RBMS3: variants seen among roughly 807,000 people sequenced by gnomAD.
The protein encoded by RBMS3 is RNA binding motif single stranded interacting protein 3.
Under a neutral mutation model 66.8 loss-of-function variants are expected in RBMS3, and 27 were observed. The observed-to-expected ratio is 0.40, with a 90% CI of 0.30 to 0.56. RBMS3 has a LOEUF of 0.56. Ranked by LOEUF, RBMS3 falls within the 20% of genes least tolerant of loss-of-function variation. The pLI, the probability that RBMS3 is intolerant of heterozygous loss-of-function variation, is 0.40. For missense variants in RBMS3, 513 were observed against 549.5 expected (o/e 0.93, Z 0.66); for synonymous variants, 188 against 183.0 (o/e 1.03, Z -0.22).
intron 1 of RBMS3, among the ~76,000 whole-genome samples, chr3:29,367,281 A>G (rs72851276): frequency 0.023 from 3,505 of 152,242 alleles, 139 homozygotes; most frequent in African/African-American, 0.08. Flanking sequence ...GTTATTTTAC[A>G]TATCTATGTA....
At chr3:29,971,627 T>TATTCATTCACTCACTCATTC (rs1697231915) in intron 12 of RBMS3, among the ~76,000 whole-genome samples, 1 of 152,134 alleles carries the variant, frequency 6.6e-6, no homozygotes, top group Non-Finnish European at 1.5e-5. Context: ...AGTGCTTAAT[T>TATTCATTCACTCACTCATTC]ATTCATTCAC....
chr3:29,341,253 C>G (rs1414829381), intron 1 of RBMS3, among the ~76,000 whole-genome samples: 30 of 151,934 alleles, frequency 2.0e-4, no homozygotes, highest in Non-Finnish European at 5.9e-5. Context: ...TTATGAAATA[C>G]AGAAGAATCA....
chr3:29,931,209 C>T (rs2061112769), intron 10 of RBMS3, among the ~76,000 whole-genome samples: 1 of 152,106 alleles, frequency 6.6e-6, no homozygotes, highest in African/African-American at 2.4e-5. Context: ...GTTTTGAGTA[C>T]TTACTGCATG....
At chr3:29,669,980 T>A (rs1044239924) in intron 4 of RBMS3, among the ~76,000 whole-genome samples, 1 of 152,244 alleles carries the variant, frequency 6.6e-6, no homozygotes, top group Admixed American at 6.5e-5. Context: ...ATAAGGGCTT[T>A]CAACTTAACA....
At position 30,007,624 on chromosome 3, in the gene RBMS3, G is replaced by T. The variant is rs528375179; in HGVS notation, c.*3762G>T. The T allele has an allele frequency of 6.6e-6, 1 of 152,040 alleles. No homozygotes were observed. The highest frequency in any genetic ancestry group is 1.9e-4 in the East Asian group (1 of 5,184). 9.4% of individuals were successfully genotyped at this position (152,040 alleles called of 1,614,324 possible). On this transcript the variant is annotated 3_prime_UTR_variant, in exon 15 of 15. Transcript: ENST00000383767. ...CATGGCCATGTCTTCTAAAGACAAC[G>T]TAATGAGCCCAAGTGAACTGAAGGT... is the stretch of plus-strand genomic sequence containing the variant.
At chr3:29,573,194 C>T (rs550773958) in intron 3 of RBMS3, among the ~76,000 whole-genome samples, 1 of 152,252 alleles carries the variant, frequency 6.6e-6, no homozygotes, top group East Asian at 1.9e-4. Flanking sequence ...AACCTCAGCT[C>T]ACTGCAACCT....
In RBMS3 at chr3:29,469,678, T is replaced by C. The variant is rs147039863; in HGVS notation, c.249-18763T>C. Among the ~76,000 whole-genome samples, 848 of 151,256 alleles carry C rather than the reference T, an allele frequency of 5.6e-3. 7 individuals are homozygous for C. The highest frequency in any genetic ancestry group is 0.02 in the African/African-American group (807 of 41,344). On this transcript the variant is annotated intron_variant, in intron 2 of 14. Transcript: ENST00000383767. ...AAAAACTAAACCATATATATATATA[T>C]ACATACGTATAAGAAAACAATAAGA...
At chr3:29,706,956 C>T (rs778140054) in intron 4 of RBMS3, among the ~76,000 whole-genome samples, 1 of 152,124 alleles carries the variant, frequency 6.6e-6, no homozygotes, top group Non-Finnish European at 1.5e-5. Context: ...TTGACACAAT[C>T]CTGAGGTCTT....
At chr3:29,601,577 T>C (rs9869469) in intron 4 of RBMS3, among the ~76,000 whole-genome samples, 118,608 of 151,922 alleles carry the variant, frequency 0.78, 47,082 homozygotes, top group African/African-American at 0.93. Flanking sequence ...ATTAAAGGAC[T>C]TGTGTTTGCC....
At chr3:29,970,926 T>G (rs1388071457) in intron 12 of RBMS3, among the ~76,000 whole-genome samples, 1 of 152,178 alleles carries the variant, frequency 6.6e-6, no homozygotes, top group East Asian at 1.9e-4. Context: ...TTCACCAAAG[T>G]GGAATTTCAG....
In RBMS3 at chr3:29,587,248, T is replaced by G. The variant is rs768219821; in HGVS notation, c.399+43T>G. On this transcript the variant is annotated intron_variant, in intron 4 of 14. Coordinates refer to ENST00000383767, the MANE Select transcript of RBMS3 (RefSeq NM_001003793.3). ...GGGTGTTTTTTTTTTTTTTTTTTTTTTGTGTGTGTGTGTGTGTGTGTGTGT... is the reference window on the plus strand; with the variant it reads ...GGGTGTTTTTTTTTTTTTTTTTTTTGTGTGTGTGTGTGTGTGTGTGTGTGT... 3,057 of 366,080 alleles carry G rather than the reference T, an allele frequency of 8.4e-3. 171 individuals carry two copies. Among genetic ancestry groups the G allele is most frequent in the African/African-American group, 0.063 (1,850 of 29,412 alleles). The allele number at this position is 366,080 out of a possible 1,614,324, so 22.7% of individuals were successfully genotyped here.
At chr3:29,736,772 C>T (rs2054397136) in intron 4 of RBMS3, among the ~76,000 whole-genome samples, 1 of 152,116 alleles carries the variant, frequency 6.6e-6, no homozygotes, top group African/African-American at 2.4e-5. Flanking sequence ...TGATTCTTCC[C>T]AGTAAAAAGA....
rs185871087 is a variant in RBMS3, at chr3:29,887,559, C to T, written c.791+3351C>T. 1.7e-3 allele frequency among the ~76,000 whole-genome samples: 257 copies of T among 151,856 alleles called. 4 individuals carry two copies. Among genetic ancestry groups the T allele is most frequent in the Non-Finnish European group, 2.1e-3 (143 of 67,818 alleles). On this transcript the variant is annotated intron_variant, in intron 8 of 14. Coordinates refer to ENST00000383767, the MANE Select transcript of RBMS3 (RefSeq NM_001003793.3). ...GTACATTTCCTGAGGCCTCCCCAAC[C>T]GTGCTGAACTGTGAGTCAATTAAAC... is the stretch of plus-strand genomic sequence containing the variant.
chr3:29,836,307 G>C (rs544200863), intron 6 of RBMS3, among the ~76,000 whole-genome samples: 1 of 152,138 alleles, frequency 6.6e-6, no homozygotes, highest in South Asian at 2.1e-4. Context: ...AGGACACCAT[G>C]AGAACAGAAA....
chr3:29,365,126 G>C (rs969658714), intron 1 of RBMS3, among the ~76,000 whole-genome samples: 1 of 152,056 alleles, frequency 6.6e-6, no homozygotes, highest in African/African-American at 2.4e-5. Context: ...TTATTCAATA[G>C]TACCTATTTA....
At chr3:29,425,223 A>C (rs1295733605) in intron 1 of RBMS3, among the ~76,000 whole-genome samples, 1 of 151,296 alleles carries the variant, frequency 6.6e-6, no homozygotes, top group Non-Finnish European at 1.5e-5. Context: ...AAACAAAAAA[A>C]AAAAAACAGG....
intron 1 of RBMS3, among the ~76,000 whole-genome samples, chr3:29,416,833 C>A (rs543616709): frequency 4.6e-5 from 7 of 152,208 alleles, no homozygotes; most frequent in South Asian, 2.1e-4. Flanking sequence ...AAGCCAGAAG[C>A]GAACTCTGTG....
chr3:29,416,465 T>C (rs1478523734), intron 1 of RBMS3, among the ~76,000 whole-genome samples: 1 of 152,226 alleles, frequency 6.6e-6, no homozygotes, highest in Non-Finnish European at 1.5e-5. Flanking sequence ...TACATGGATT[T>C]GGAAAATTTG....
chr3:29,640,139 G>A (rs1238288125), intron 4 of RBMS3, among the ~76,000 whole-genome samples: 1 of 151,780 alleles, frequency 6.6e-6, no homozygotes, highest in Non-Finnish European at 1.5e-5. Context: ...AATGGCATAT[G>A]AGCAGATACA....
Sources: allele counts gnomAD v4.1 joint callset (sites outside exome capture counted in the v4.1 genomes callset), GRCh38; gene constraint gnomAD v4.1.1; transcripts MANE v1.5; gene names NCBI Gene and HGNC (gene_info 2026-07-23, HGNC 2026-07-21).